Variants in PTPRT observed in about 807,000 individuals in gnomAD.
PTPRT encodes the protein protein tyrosine phosphatase receptor type T, also known as receptor-type tyrosine-protein phosphatase T.
In PTPRT, 56 loss-of-function variants were observed where a neutral mutation model predicts 176.8. The ratio of observed to expected loss-of-function variants is 0.32; its 90% CI spans 0.26 to 0.40. The LOEUF is 0.40. PTPRT is among the 10% of genes least tolerant of loss of function. The pLI, the probability that PTPRT is intolerant of heterozygous loss-of-function variation, is 1.00. For missense variants in PTPRT, 1,540 were observed against 1,908.2 expected (o/e 0.81, Z 3.60); for synonymous variants, 783 against 739.0 (o/e 1.06, Z -0.96).
At chr20:42,559,027 C>A (rs186648154) in intron 7 of PTPRT, among the ~76,000 whole-genome samples, 199 of 152,228 alleles carry the variant, frequency 1.3e-3, no homozygotes, top group African/African-American at 4.7e-3. Context: ...ACAAACACCC[C>A]AAAATGAGGC....
chr20:42,502,405 AACAC>A (rs11467404), intron 7 of PTPRT, among the ~76,000 whole-genome samples: 11,109 of 137,222 alleles, frequency 0.081, 410 homozygotes, highest in East Asian at 0.085. Flanking sequence ...TATGTATACA[AACAC>A]ACACACACAC....
chr20:42,119,411 T>C (rs1237684961), intron 20 of PTPRT, among the ~76,000 whole-genome samples: 4 of 152,236 alleles, frequency 2.6e-5, no homozygotes, highest in African/African-American at 4.8e-5. Context: ...AATGTTCTTA[T>C]ATGCGTCATT....
In PTPRT at chr20:42,814,042, C is replaced by T. The variant is rs921246736; in HGVS notation, c.215-22576G>A. Among the ~76,000 whole-genome samples, 7 of 152,200 alleles carry T rather than the reference C, an allele frequency of 4.6e-5. No individual in the cohort carries two copies. In the South Asian group the frequency reaches 8.3e-4, roughly 18 times the overall value. ...ATATGAGAGAAAGGATAATGATACCCAGTAAACTTGATTTTCTCTAGATGT... is the reference window on the plus strand; with the variant it reads ...ATATGAGAGAAAGGATAATGATACCTAGTAAACTTGATTTTCTCTAGATGT... On this transcript the variant is annotated intron_variant, in intron 2 of 30. Coordinates refer to ENST00000373187, the MANE Select transcript of PTPRT (RefSeq NM_007050.6).
chr20:42,414,004 G>A (rs1015162725), intron 9 of PTPRT, among the ~76,000 whole-genome samples: 2 of 152,076 alleles, frequency 1.3e-5, no homozygotes, highest in African/African-American at 4.8e-5. Flanking sequence ...GCTAATTTTT[G>A]TATTTTTAGT....
intron 7 of PTPRT, among the ~76,000 whole-genome samples, chr20:42,653,129 G>A (rs562539521): frequency 4.9e-4 from 75 of 152,198 alleles, no homozygotes; most frequent in Non-Finnish European, 4.6e-4. Context: ...CCATAGAGGC[G>A]GTTACCCCCA....
chr20:42,880,863 G>C (rs1054404375), intron 2 of PTPRT, among the ~76,000 whole-genome samples: 2 of 151,998 alleles, frequency 1.3e-5, no homozygotes, highest in African/African-American at 4.8e-5. Context: ...AAAAGTAGTT[G>C]TGGTTTTTGC....
At chr20:42,226,636 C>T (rs1034625354) in intron 15 of PTPRT, among the ~76,000 whole-genome samples, 1 of 152,200 alleles carries the variant, frequency 6.6e-6, no homozygotes, top group South Asian at 2.1e-4. Context: ...TTTGCTACAG[C>T]TCTAGCTGTA....
At chr20:42,052,406 T>TCC in the PTPRT span, among the ~76,000 whole-genome samples, 1 of 152,178 alleles carries the variant, frequency 6.6e-6, no homozygotes, top group East Asian at 1.9e-4. Context: ...TGGGTCCCAG[T>TCC]GATGTCACAA....
At chr20:42,834,082 A>G (rs1218174733) in intron 2 of PTPRT, among the ~76,000 whole-genome samples, 1 of 120,870 alleles carries the variant, frequency 8.3e-6, no homozygotes, top group Non-Finnish European at 2.0e-5. Flanking sequence ...GACAAGCCAT[A>G]GGCTGGGAAA....
intron 6 of PTPRT, among the ~76,000 whole-genome samples, chr20:42,739,648 C>T (rs1472894832): frequency 6.6e-6 from 1 of 152,182 alleles, no homozygotes; most frequent in African/African-American, 2.4e-5. Context: ...ACATAGATAA[C>T]ACAACTTAGT....
intron 1 of PTPRT, among the ~76,000 whole-genome samples, chr20:43,071,859 G>A (rs1473614693): frequency 6.6e-6 from 1 of 152,328 alleles, no homozygotes; most frequent in South Asian, 2.1e-4. Flanking sequence ...TCTTGAAAAC[G>A]GCTTCTTTCC....
intron 1 of PTPRT, among the ~76,000 whole-genome samples, chr20:42,954,838 A>C (rs1399631644): frequency 6.6e-6 from 1 of 152,056 alleles, no homozygotes; most frequent in Non-Finnish European, 1.5e-5. Flanking sequence ...ACATCCTTAG[A>C]ATCACAATAG....
intron 15 of PTPRT, among the ~76,000 whole-genome samples, chr20:42,202,245 C>T (rs1169714071): frequency 6.6e-6 from 1 of 152,168 alleles, no homozygotes; most frequent in Non-Finnish European, 1.5e-5. Context: ...GCTAGGATTA[C>T]AGGTGGGAGC....
intron 1 of PTPRT, among the ~76,000 whole-genome samples, chr20:42,920,374 G>A (rs985106939): frequency 1.3e-5 from 2 of 152,230 alleles, no homozygotes; most frequent in Admixed American, 1.3e-4. Context: ...CAGATAAGTG[G>A]TCGCCTGGAG....
chr20:43,113,237 CTG>C (rs1271944217), intron 1 of PTPRT, among the ~76,000 whole-genome samples: 1 of 152,190 alleles, frequency 6.6e-6, no homozygotes, highest in African/African-American at 2.4e-5. Context: ...ATGAACTTTG[CTG>C]TCTTTCTTCT....
At chr20:42,222,491 A>C (rs1252906946) in intron 15 of PTPRT, among the ~76,000 whole-genome samples, 24 of 151,888 alleles carry the variant, frequency 1.6e-4, no homozygotes, top group Non-Finnish European at 2.9e-5. Flanking sequence ...CCAAGGCAGG[A>C]CTCTCATCTT....
intron 1 of PTPRT, among the ~76,000 whole-genome samples, chr20:43,179,094 T>TCCAATGTCTGGTCAGC (rs2015186935): frequency 6.6e-6 from 1 of 152,184 alleles, no homozygotes; most frequent in Admixed American, 6.5e-5. Context: ...CCACCAGAAG[T>TCCAATGTCTGGTCAGC]CCAATGTCTG....
At chr20:43,096,113 TCTC>T (rs2146316665) in intron 1 of PTPRT, among the ~76,000 whole-genome samples, 1 of 119,960 alleles carries the variant, frequency 8.3e-6, no homozygotes, top group East Asian at 2.5e-4. Flanking sequence ...TCTCCCCATC[TCTC>T]CTCTCTCTCC....
intron 9 of PTPRT, among the ~76,000 whole-genome samples, chr20:42,432,746 T>C (rs1054239239): frequency 2.0e-5 from 3 of 152,194 alleles, no homozygotes; most frequent in Non-Finnish European, 4.4e-5. Flanking sequence ...CTTACTCCTT[T>C]AACCAATTAC....
Sources: gnomAD v4.1 joint callset for allele counts (sites outside exome capture counted in the v4.1 genomes callset) on GRCh38, gnomAD v4.1.1 for gene constraint, MANE v1.5 for transcripts, NCBI Gene and HGNC (gene_info 2026-07-23, HGNC 2026-07-21) for gene names.